The following LYPLAL1 variants were observed in gnomAD, a reference collection of about 807,000 sequenced individuals.
LYPLAL1 encodes the protein lysophospholipase-like protein 1.
LYPLAL1 carries 23 observed loss-of-function variants against 19.7 expected under a neutral mutation model. The ratio of observed to expected loss-of-function variants is 1.17; its 90% CI spans 0.84 to 1.65. The LOEUF is 1.65. Ranked by LOEUF, LYPLAL1 falls within the 40% of genes most tolerant of loss-of-function variation. LYPLAL1 has a pLI of 0.00. For missense variants in LYPLAL1, 355 were observed against 279.4 expected, an observed-to-expected ratio of 1.27 and a Z score of -1.93; for synonymous variants, 119 against 96.3, an observed-to-expected ratio of 1.24 and a Z score of -1.38.
the LYPLAL1 span, among the ~76,000 whole-genome samples, chr1:219,267,352 G>A: frequency 6.6e-6 from 1 of 152,074 alleles, no homozygotes; most frequent in African/African-American, 2.4e-5. Context: ...TCTGGCCAAA[G>A]TCAATAACAA....
chr1:219,268,043 A>C, the LYPLAL1 span, among the ~76,000 whole-genome samples: 24 of 152,356 alleles, frequency 1.6e-4, no homozygotes, highest in African/African-American at 5.3e-4. Context: ...TTCATTTTAC[A>C]AATATTTATT....
At chr1:219,241,323 C>A in the LYPLAL1 span, among the ~76,000 whole-genome samples, 1 of 151,294 alleles carries the variant, frequency 6.6e-6, no homozygotes, top group Non-Finnish European at 1.5e-5. Flanking sequence ...GCAAGAAATA[C>A]AATTTTATTA....
At chr1:219,297,588 C>T in the LYPLAL1 span, among the ~76,000 whole-genome samples, 1 of 152,168 alleles carries the variant, frequency 6.6e-6, no homozygotes, top group Admixed American at 6.5e-5. Context: ...TTCTGAATGT[C>T]TGATTTAGTC....
chr1:219,304,766 C>G, the LYPLAL1 span, among the ~76,000 whole-genome samples: 1 of 151,982 alleles, frequency 6.6e-6, no homozygotes, highest in African/African-American at 2.4e-5. Flanking sequence ...CATGAAAACA[C>G]ATATTGAGAT....
At chr1:219,310,884 C>A in the LYPLAL1 span, among the ~76,000 whole-genome samples, 5 of 152,316 alleles carry the variant, frequency 3.3e-5, no homozygotes, top group South Asian at 1.0e-3. Context: ...TAGTAGCCTC[C>A]AATTCCTTGG....
the LYPLAL1 span, among the ~76,000 whole-genome samples, chr1:219,274,404 G>T: frequency 2.0e-5 from 3 of 152,076 alleles, no homozygotes; most frequent in Non-Finnish European, 4.4e-5. Context: ...TGTTTGTTTT[G>T]AGATGGAGTC....
the LYPLAL1 span, among the ~76,000 whole-genome samples, chr1:219,438,371 G>A: frequency 9.7e-4 from 148 of 152,214 alleles, no homozygotes; most frequent in African/African-American, 3.5e-3. Flanking sequence ...TAGGGTTTTG[G>A]GGAAGGGATG....
chr1:219,366,572 T>C, the LYPLAL1 span, among the ~76,000 whole-genome samples: 3 of 152,180 alleles, frequency 2.0e-5, no homozygotes, highest in Non-Finnish European at 4.4e-5. Context: ...GCCATTTTCA[T>C]GTCAGAAAGA....
chr1:219,329,853 A>G, the LYPLAL1 span, among the ~76,000 whole-genome samples: 1 of 152,186 alleles, frequency 6.6e-6, no homozygotes. Context: ...GTGGCGTTCA[A>G]GTAGGATAAC....
At chr1:219,232,864 TAAA>T in the LYPLAL1 span, among the ~76,000 whole-genome samples, 1 of 144,490 alleles carries the variant, frequency 6.9e-6, no homozygotes, top group African/African-American at 2.6e-5. Context: ...GGCTACTATT[TAAA>T]AAAAAAAAAA....
the LYPLAL1 span, among the ~76,000 whole-genome samples, chr1:219,355,577 A>C: frequency 6.6e-6 from 1 of 152,216 alleles, no homozygotes. Flanking sequence ...AGAGTAAGGA[A>C]TATTACCAGA....
chr1:219,385,223 C>T, the LYPLAL1 span, among the ~76,000 whole-genome samples: 1 of 152,242 alleles, frequency 6.6e-6, no homozygotes, highest in South Asian at 2.1e-4. Context: ...AAAAACTCTG[C>T]CAGAATCGAA....
chr1:219,309,485 C>A, the LYPLAL1 span, among the ~76,000 whole-genome samples: 2 of 151,926 alleles, frequency 1.3e-5, no homozygotes, highest in African/African-American at 4.8e-5. Flanking sequence ...TCTCTGTGTC[C>A]CCACCCATAT....
chr1:219,308,762 A>C, the LYPLAL1 span, among the ~76,000 whole-genome samples: 1 of 152,240 alleles, frequency 6.6e-6, no homozygotes, highest in Non-Finnish European at 1.5e-5. Flanking sequence ...CTGGATGCCC[A>C]GGCAGAAGTT....
At chr1:219,367,052 C>A in the LYPLAL1 span, among the ~76,000 whole-genome samples, 2 of 151,960 alleles carry the variant, frequency 1.3e-5, no homozygotes, top group East Asian at 1.9e-4. Flanking sequence ...TGCCCCAGGA[C>A]TACTTGCCTG....
chr1:219,379,360 C>T, the LYPLAL1 span, among the ~76,000 whole-genome samples: 2 of 152,218 alleles, frequency 1.3e-5, no homozygotes, highest in African/African-American at 4.8e-5. Context: ...GCTTCTGCCA[C>T]CTCAGACCAG....
the LYPLAL1 span, among the ~76,000 whole-genome samples, chr1:219,274,343 C>T: frequency 6.6e-6 from 1 of 152,120 alleles, no homozygotes; most frequent in East Asian, 1.9e-4. Context: ...GAAGACTTCC[C>T]TCTATCTTTT....
At chr1:219,361,741 T>G in the LYPLAL1 span, among the ~76,000 whole-genome samples, 1 of 152,116 alleles carries the variant, frequency 6.6e-6, no homozygotes, top group African/African-American at 2.4e-5. Context: ...AAAGGTGTTA[T>G]TAAGAGAAAA....
intron 2 of LYPLAL1, among the ~76,000 whole-genome samples, chr1:219,183,594 C>G (rs933047799): frequency 6.6e-6 from 1 of 151,918 alleles, no homozygotes; most frequent in Non-Finnish European, 1.5e-5. Context: ...CAAGTCAACT[C>G]CCATCTCATG....
Sources: allele counts gnomAD v4.1 joint callset (sites outside exome capture counted in the v4.1 genomes callset), GRCh38; gene constraint gnomAD v4.1.1; transcripts MANE v1.5; gene names NCBI Gene and HGNC (gene_info 2026-07-23, HGNC 2026-07-21).